The following THSD7A variants were observed in gnomAD, a reference collection of about 807,000 sequenced individuals.
THSD7A encodes thrombospondin type 1 domain containing 7A, also known as thrombospondin type-1 domain-containing protein 7A.
THSD7A carries 96 observed loss-of-function variants against 231.3 expected under a neutral mutation model. The ratio of observed to expected loss-of-function variants is 0.41; its 90% CI spans 0.35 to 0.49. The LOEUF is 0.49. Ranked by LOEUF, THSD7A falls within the 20% of genes least tolerant of loss-of-function variation. The pLI, the probability that THSD7A is intolerant of heterozygous loss-of-function variation, is 0.05. For missense variants in THSD7A, 2,290 were observed against 2,070.2 expected, an observed-to-expected ratio of 1.11 and a Z score of -2.06; for synonymous variants, 940 against 743.3, an observed-to-expected ratio of 1.26 and a Z score of -4.30.
chr7:11,596,025 T>C (rs1289931948), intron 2 of THSD7A, among the ~76,000 whole-genome samples: 1 of 152,224 alleles, frequency 6.6e-6, no homozygotes, highest in Non-Finnish European at 1.5e-5. Flanking sequence ...CTAGGTCAAA[T>C]GGACAAAAGA....
intron 1 of THSD7A, among the ~76,000 whole-genome samples, chr7:11,826,812 CAAAAA>C (rs3037773): frequency 0.022 from 2,654 of 120,748 alleles, 56 homozygotes; most frequent in African/African-American, 0.066. Context: ...GCCTCTGTCT[CAAAAA>C]AAAAAAAAAA....
intron 1 of THSD7A, among the ~76,000 whole-genome samples, chr7:11,697,855 T>C (rs955640031): frequency 4.0e-5 from 6 of 151,322 alleles, no homozygotes; most frequent in African/African-American, 1.5e-4. Flanking sequence ...ACTGAACAAA[T>C]TTCCTCCATT....
Position 11,813,758 on chromosome 7 carries a change from A to G in THSD7A, c.190+17999T>C, listed in dbSNP as rs928442877. 3.4e-5 allele frequency among the ~76,000 whole-genome samples: 5 copies of G among 145,236 alleles called. No homozygotes were observed. In the Admixed American group the frequency reaches 3.5e-4, roughly 10 times the overall value. ...AATAATAATAATAATAATAATAATA[A>G]GGCTCAGTTTGGCAGTTTCTCAAGC... On this transcript the variant is annotated intron_variant, in intron 1 of 27. Transcript: ENST00000423059.
chr7:11,462,391 T>C (rs567457628), intron 9 of THSD7A, among the ~76,000 whole-genome samples: 2 of 152,294 alleles, frequency 1.3e-5, no homozygotes, highest in African/African-American at 4.8e-5. Flanking sequence ...CAGTTAGCCT[T>C]CCTAAGGTGC....
chr7:11,594,066 C>A (rs115638652), intron 2 of THSD7A, among the ~76,000 whole-genome samples: 3 of 152,204 alleles, frequency 2.0e-5, no homozygotes, highest in South Asian at 4.1e-4. Flanking sequence ...GCTGCCAATG[C>A]GGCTAGAATA....
intron 4 of THSD7A, among the ~76,000 whole-genome samples, chr7:11,587,383 T>C (rs1323484572): frequency 6.6e-6 from 1 of 152,180 alleles, no homozygotes; most frequent in African/African-American, 2.4e-5. Flanking sequence ...GGAAATGATA[T>C]AGTAGAAATT....
At chr7:11,386,102 T>C (rs1017464623) in intron 23 of THSD7A, among the ~76,000 whole-genome samples, 5 of 152,192 alleles carry the variant, frequency 3.3e-5, no homozygotes, top group African/African-American at 1.2e-4. Context: ...ACATTTTCTT[T>C]ACCTAGTCTA....
chr7:11,719,270 C>A (rs933585990), intron 1 of THSD7A, among the ~76,000 whole-genome samples: 1 of 151,552 alleles, frequency 6.6e-6, no homozygotes, highest in Non-Finnish European at 1.5e-5. Flanking sequence ...TTCCTCCCAC[C>A]CTACGCCCTT....
chr7:11,820,760 G>A, intron 1 of THSD7A: 1 of 1,210,418 alleles, frequency 8.3e-7, no homozygotes, highest in Non-Finnish European at 1.2e-6. Context: ...TGCTTTGTAG[G>A]AGTGAGATGA....
intron 2 of THSD7A, among the ~76,000 whole-genome samples, chr7:11,609,891 G>C (rs2128348397): frequency 6.6e-6 from 1 of 152,198 alleles, no homozygotes; most frequent in East Asian, 1.9e-4. Context: ...AAAAAGACCT[G>C]CATATCTGTC....
intron 6 of THSD7A, among the ~76,000 whole-genome samples, chr7:11,539,268 TTGAG>T (rs1365579832): frequency 1.3e-5 from 2 of 152,202 alleles, no homozygotes; most frequent in Non-Finnish European, 2.9e-5. Flanking sequence ...ATATACAAAT[TTGAG>T]TGAGTTCTAG....
intron 1 of THSD7A, among the ~76,000 whole-genome samples, chr7:11,827,110 C>A (rs990566040): frequency 6.6e-6 from 1 of 152,042 alleles, no homozygotes; most frequent in Non-Finnish European, 1.5e-5. Flanking sequence ...TTCAAGCAAT[C>A]CTTCCACCTT....
intron 9 of THSD7A, among the ~76,000 whole-genome samples, chr7:11,464,740 T>C (rs1693950067): frequency 6.6e-6 from 1 of 152,112 alleles, no homozygotes; most frequent in African/African-American, 2.4e-5. Flanking sequence ...GATTGTGACC[T>C]GATTCAAGTG....
At chr7:11,732,242 A>G (rs1264952043) in intron 1 of THSD7A, among the ~76,000 whole-genome samples, 1 of 151,758 alleles carries the variant, frequency 6.6e-6, no homozygotes, top group East Asian at 1.9e-4. Flanking sequence ...TGGTTATCCT[A>G]CTGGAGTGAG....
intron 1 of THSD7A, among the ~76,000 whole-genome samples, chr7:11,667,282 A>C (rs1247465652): frequency 6.6e-6 from 1 of 152,068 alleles, no homozygotes; most frequent in Non-Finnish European, 1.5e-5. Flanking sequence ...CTTAGCTCCC[A>C]CTTATAAGTG....
chr7:11,715,333 T>C (rs35803966), intron 1 of THSD7A, among the ~76,000 whole-genome samples: 20,760 of 151,400 alleles, frequency 0.14, 1,580 homozygotes, highest in Admixed American at 0.19. Context: ...ACAAGGATAC[T>C]CCAAAACTTA....
intron 4 of THSD7A, among the ~76,000 whole-genome samples, chr7:11,585,070 T>A (rs920458350): frequency 1.3e-5 from 2 of 152,210 alleles, no homozygotes; most frequent in African/African-American, 4.8e-5. Flanking sequence ...GTACTCATGT[T>A]TATCTGACTT....
At chr7:11,423,186 T>C (rs1249257617) in intron 16 of THSD7A, among the ~76,000 whole-genome samples, 1 of 152,094 alleles carries the variant, frequency 6.6e-6, no homozygotes, top group Non-Finnish European at 1.5e-5. Context: ...AAAAGAAATA[T>C]AAAACTTTTT....
chr7:11,575,673 T>C lies in THSD7A; in HGVS notation c.1453+14787A>G, dbSNP rs13437869. 2.2e-3 allele frequency among the ~76,000 whole-genome samples: 342 copies of C among 152,286 alleles called. 1 individual carries two copies. The highest frequency in any genetic ancestry group is 8.0e-3 in the African/African-American group (331 of 41,562). On this transcript the variant is annotated intron_variant, in intron 4 of 27. Transcript: ENST00000423059. The stretch of plus-strand genomic sequence containing the variant: ...GATTGCCTGAGGGAATAGCTGTACC[T>C]CCATTCATTTAGTACATCCATTTCG...
Sources: allele counts gnomAD v4.1 joint callset (sites outside exome capture counted in the v4.1 genomes callset), GRCh38; gene constraint gnomAD v4.1.1; transcripts MANE v1.5; gene names NCBI Gene and HGNC (gene_info 2026-07-23, HGNC 2026-07-21).